Variants in ACAN observed in about 807,000 individuals in gnomAD.
ACAN encodes aggrecan core protein.
In ACAN, 47 loss-of-function variants were observed where a neutral mutation model predicts 169.1. The ratio of observed to expected loss-of-function variants is 0.28; its 90% CI spans 0.22 to 0.35. ACAN has a LOEUF of 0.35. Ranked by LOEUF, ACAN falls within the 10% of genes least tolerant of loss-of-function variation. The pLI is 1.00. For missense variants in ACAN, 2,716 were observed against 2,759.9 expected (o/e 0.98, Z 0.36); for synonymous variants, 1,115 against 1,112.2 (o/e 1.00, Z -0.05).
intron 11 of ACAN, among the ~76,000 whole-genome samples, chr15:88,853,643 A>T (rs1294725958): frequency 2.6e-5 from 4 of 152,172 alleles, no homozygotes; most frequent in Non-Finnish European, 5.9e-5. Context: ...CTCTCCAAAA[A>T]AAAAGAAAGA....
rs910791694 is a variant in ACAN, at chr15:88,840,083, C to T, written c.526C>T (p.Leu176=). 1 of 1,604,118 alleles carries T rather than the reference C, an allele frequency of 6.2e-7. No individual in the cohort carries two copies. The highest frequency in any genetic ancestry group is 1.7e-5 in the Admixed American group (1 of 58,894). Residue 176 remains leucine (L), a synonymous_variant, in exon 4 of 19, where the codon CTG becomes TTG. Transcript: ENST00000560601. ...CTTTGACAGGGCGCAGCGGGCCTGC[C>T]TGCAGAACAGTGCCATCATTGCCAC... is the stretch of plus-strand genomic sequence containing the variant. The part of the protein sequence containing the change: ...LDFDRAQRAC[L]QNSAIIATPE...
Position 88,858,625 on chromosome 15 carries a change from G to A in ACAN, c.6040G>A (p.Val2014Ile). The change falls in exon 12 of 19, where the codon GTA becomes ATA. Residue 2014 changes from valine (V) to isoleucine (I), a missense_variant. Transcript: ENST00000560601. The surrounding 1 kb of genome is among the most constrained non-coding windows in gnomAD (Gnocchi z 4.0). ...FSGDFASTTN[V>I]SGESSVAMGT... ...TGGGGATTTTGCCAGCACCACCAATGTAAGTGGAGAATCCTCTGTAGCCAT... is the reference window on the plus strand; with the variant it reads ...TGGGGATTTTGCCAGCACCACCAATATAAGTGGAGAATCCTCTGTAGCCAT... 1 of 1,613,974 alleles carries A rather than the reference G, an allele frequency of 6.2e-7. No individual in the cohort carries two copies.
intron 2 of ACAN, among the ~76,000 whole-genome samples, 151 bp downstream of exon 2, chr15:88,836,427 T>C (rs1896505148): frequency 6.6e-6 from 1 of 152,162 alleles, no homozygotes; most frequent in Non-Finnish European, 1.5e-5. Context: ...TGTTGATGCA[T>C]GCATAACTGT....
In ACAN at chr15:88,872,772, G is replaced by A; in HGVS notation, c.7303-109G>A. ...GCTATCAGATGAGCCTGAAGTTGGT[G>A]CTAAAAGAGAAAGGAGATGATGAAG... On this transcript the variant is annotated intron_variant, in intron 16 of 18. Coordinates refer to ENST00000560601, the MANE Select transcript of ACAN (RefSeq NM_001369268.1). The surrounding 1 kb of genome is among the most constrained non-coding windows in gnomAD (Gnocchi z 5.4). The A allele has an allele frequency of 7.4e-7, 1 of 1,354,926 alleles. No individual in the cohort carries two copies. The highest frequency in any genetic ancestry group is 1.0e-6 in the Non-Finnish European group (1 of 992,760). The allele number at this position is 1,354,926 out of a possible 1,614,324, so 83.9% of individuals were successfully genotyped here.
intron 13 of ACAN, among the ~76,000 whole-genome samples, chr15:88,862,482 G>T (rs2141620097): frequency 6.6e-6 from 1 of 152,270 alleles, no homozygotes; most frequent in Admixed American, 6.5e-5. Flanking sequence ...CACTCTACTG[G>T]CTAAGAGAAG....
chr15:88,863,455 G>T (rs1897236125), intron 13 of ACAN, among the ~76,000 whole-genome samples: 1 of 152,056 alleles, frequency 6.6e-6, no homozygotes, highest in Non-Finnish European at 1.5e-5. Flanking sequence ...TTCAGCATTG[G>T]TATTTTTAAA....
chr15:88,827,541 G>C (rs1289287437), intron 1 of ACAN, among the ~76,000 whole-genome samples: 1 of 152,080 alleles, frequency 6.6e-6, no homozygotes, highest in Admixed American at 6.5e-5. Context: ...ATTCGATATA[G>C]ATGCAAATTG....
In ACAN at chr15:88,858,369, A is replaced by T; in HGVS notation, c.5784A>T (p.Pro1928=). The T allele has an allele frequency of 6.2e-7, 1 of 1,613,920 alleles. No individual in the cohort carries two copies. Among genetic ancestry groups the T allele is most frequent in the East Asian group, 2.2e-5 (1 of 44,876 alleles). ...PSGAYYGSGT[P]SSFPTVSLVD... is the part of the protein sequence containing the mutation. ...GAGCATATTATGGCAGTGGAACTCC[A>T]TCTAGTTTCCCCACTGTCTCTCTTG... is the stretch of plus-strand genomic sequence containing the variant. The change falls in exon 12 of 19, where the codon CCA becomes CCT. Residue 1928 remains proline, a synonymous_variant. Transcript: ENST00000560601. The surrounding 1 kb of genome is among the most constrained non-coding windows in gnomAD (Gnocchi z 4.0).
chr15:88,806,511 G>A (rs1348721475), intron 1 of ACAN, among the ~76,000 whole-genome samples: 2 of 152,038 alleles, frequency 1.3e-5, no homozygotes, highest in African/African-American at 2.4e-5. Context: ...CACCACGCCC[G>A]GCTAATTTTT....
At chr15:88,806,420 T>G (rs1055201340) in intron 1 of ACAN, among the ~76,000 whole-genome samples, 4 of 151,938 alleles carry the variant, frequency 2.6e-5, no homozygotes, top group Non-Finnish European at 5.9e-5. Flanking sequence ...GGCCCAATGT[T>G]GGCTCACTGC....
rs1213247409 is a variant in ACAN at position 88,843,397 on chromosome 15, A to G, written c.800A>G (p.Gln267Arg). ...ACATCTCCAGAGAAGTTCACCTTCC[A>G]GGAAGCAGCCAATGAGTGCCGGCGG... ...YATSPEKFTF[Q>R]EAANECRRLG... is the part of the protein sequence containing the mutation. The change falls in exon 6 of 19, where the codon CAG becomes CGG. Residue 267 changes from glutamine (Q) to arginine (R), a missense_variant. Transcript: ENST00000560601. This position sits in a 1 kb window ranked among gnomAD's most constrained non-coding sequence, Gnocchi z 4.0. 5.0e-6 allele frequency: 8 copies of G among 1,599,582 alleles called. No individual in the cohort carries two copies. The highest frequency in any genetic ancestry group is 1.3e-5 in the African/African-American group (1 of 74,580).
At position 88,845,750 on chromosome 15, in the gene ACAN, G is replaced by A. The variant is rs776371059; in HGVS notation, c.1297G>A (p.Glu433Lys). 7.4e-6 allele frequency: 12 copies of A among 1,613,074 alleles called. No individual in the cohort carries two copies. The highest frequency in any genetic ancestry group is 5.5e-5 in the South Asian group (5 of 90,952). The change falls in exon 7 of 19, where the codon GAG becomes AAG. Residue 433 changes from glutamate to lysine, a missense_variant. Glu to Lys is a moderately conservative substitution (Grantham distance 56). Transcript: ENST00000560601. ...AGGGGCCACTGCCTTCGCTGAGGTTGAGAATGAGACTGGAGAGGCCACCAG... is the reference window on the plus strand; with the variant it reads ...AGGGGCCACTGCCTTCGCTGAGGTTAAGAATGAGACTGGAGAGGCCACCAG... Reference protein sequence around the residue: ...EIGATAFAEVENETGEATRPW... With the variant: ...EIGATAFAEVKNETGEATRPW...
In ACAN at chr15:88,859,225, A is replaced by G. The variant is rs773591919; in HGVS notation, c.6640A>G (p.Ser2214Gly). The G allele has an allele frequency of 1.2e-6, 2 of 1,613,938 alleles. No homozygotes were observed. Among genetic ancestry groups the G allele is most frequent in the Non-Finnish European group, 1.7e-6 (2 of 1,179,898 alleles). Residue 2214 changes from serine to glycine, a missense_variant, in exon 12 of 19, where the codon AGC (serine) becomes GGC (glycine). Around this residue, in one of 3 missense-constraint regions of ACAN, gnomAD observed 1,389 missense variants for 1,363.7 expected, o/e 1.02. Transcript: ENST00000560601. ...GHTSQLGVVI[S>G]TSIPESEWTQ... ...CACCTCGCAGCTGGGCGTTGTCATC[A>G]GCACCAGCATCCCAGAGTCTGAGTG...
In ACAN at chr15:88,857,406, C is replaced by G. The variant is rs1339966949; in HGVS notation, c.4821C>G (p.Gly1607=). 3.1e-6 allele frequency: 5 copies of G among 1,613,910 alleles called. No individual in the cohort carries two copies. Among genetic ancestry groups the G allele is most frequent in the East Asian group, 2.2e-5 (1 of 44,890 alleles). ...CAGCTTCTGGAGACTTGGACTTGGGCAAACTGCCTTCTGGAACTCTAGGAA... is the reference window on the plus strand; with the variant it reads ...CAGCTTCTGGAGACTTGGACTTGGGGAAACTGCCTTCTGGAACTCTAGGAA... ...VGSASGDLDL[G]KLPSGTLGSG... The change falls in exon 12 of 19, where the codon GGC becomes GGG. Residue 1607 remains glycine, a synonymous_variant. Transcript: ENST00000560601.
chr15:88,826,198 T>C (rs2141530696), intron 1 of ACAN, among the ~76,000 whole-genome samples: 1 of 152,152 alleles, frequency 6.6e-6, no homozygotes, highest in South Asian at 2.1e-4. Context: ...CCAGATATTT[T>C]TGAGCAGATG....
chr15:88,865,635 T>C (rs1225770659), intron 13 of ACAN, among the ~76,000 whole-genome samples: 2 of 152,134 alleles, frequency 1.3e-5, no homozygotes, highest in Non-Finnish European at 2.9e-5. Flanking sequence ...CTATGAAGCC[T>C]GCCCATTGCC....
intron 1 of ACAN, among the ~76,000 whole-genome samples, chr15:88,827,757 ATC>A (rs1896260936): frequency 1.3e-5 from 2 of 152,216 alleles, no homozygotes; most frequent in Admixed American, 6.5e-5. Flanking sequence ...CCAACTCAGC[ATC>A]TCTCATTTAA....
Position 88,848,901 on chromosome 15 carries a change from A to G in ACAN, c.1733-537A>G, listed in dbSNP as rs76398093. The stretch of plus-strand genomic sequence containing the variant: ...AAGTTCTTGGCACAAGTAGGTGTTC[A>G]GTAAGTGTAAGCCCTCCTCCCCCTA... On this transcript the variant is annotated intron_variant, in intron 9 of 18. Transcript: ENST00000560601. Among the ~76,000 whole-genome samples, 87 of 152,380 alleles carry G rather than the reference A, an allele frequency of 5.7e-4. No homozygotes were observed. The East Asian group carries it at 0.013, about 24-fold the overall frequency.
rs536333497 is a variant in ACAN at position 88,859,393 on chromosome 15, C to T, written c.6808C>T (p.Arg2270Cys). The change falls in exon 12 of 19, where the codon CGT becomes TGT. Residue 2270 changes from arginine to cysteine, a missense_variant. This residue lies in a region of ACAN where 1,389 missense variants were observed against 1,363.7 expected (regional missense o/e 1.02). Coordinates refer to ENST00000560601, the MANE Select transcript of ACAN (RefSeq NM_001369268.1). ...CATCCCAGCTTCTCCGGAATGGAAA[C>T]GTGAATCAGAATCAACTGCTGCAGG... is the stretch of plus-strand genomic sequence containing the variant. The part of the protein sequence containing the change: ...ASIPASPEWK[R>C]ESESTAAAPA... The T allele has an allele frequency of 2.3e-5, 36 of 1,562,784 alleles. No individual in the cohort carries two copies. Among genetic ancestry groups the T allele is most frequent in the Middle Eastern group, 1.7e-4 (1 of 6,030 alleles).
Sources: allele counts gnomAD v4.1 joint callset (sites outside exome capture counted in the v4.1 genomes callset), GRCh38; gene constraint gnomAD v4.1.1; regional missense constraint gnomAD v4.1.1; non-coding constraint Gnocchi (gnomAD v3.1); transcripts MANE v1.5; gene names NCBI Gene and HGNC (gene_info 2026-07-23, HGNC 2026-07-21).